MUC12: variants seen among roughly 807,000 people sequenced by gnomAD.
The protein encoded by MUC12 is mucin-12.
MUC12 carries 172 observed loss-of-function variants against 230.8 expected under a neutral mutation model. The observed-to-expected ratio is 0.75, with a 90% CI of 0.66 to 0.85. MUC12 has a LOEUF of 0.85. Ranked by LOEUF, MUC12 falls within the 40% of genes least tolerant of loss-of-function variation. The probability of loss-of-function intolerance (pLI) is 0.00; values close to 1 mark genes in which losing one functional copy is unlikely to be tolerated. For synonymous variants in MUC12, 1,259 were observed against 2,401.9 expected (o/e 0.52, Z 13.91); for missense variants, 3,506 against 5,920.6 (o/e 0.59, Z 13.38).
At position 101,005,183 on chromosome 7, in the gene MUC12, C is replaced by G; in HGVS notation, c.14620C>G (p.His4874Asp). The G allele has an allele frequency of 6.5e-7, 1 of 1,537,926 alleles. No homozygotes were observed. The highest frequency in any genetic ancestry group is 8.7e-7 in the Non-Finnish European group (1 of 1,147,062). ...TTCTCACAGCAACACAATGTCCATTCATAGTCAACAATCTACACCCTTCCC... is the reference window on the plus strand; with the variant it reads ...TTCTCACAGCAACACAATGTCCATTGATAGTCAACAATCTACACCCTTCCC... ...AFSHSNTMSI[H>D]SQQSTPFPDS... Residue 4874 changes from histidine (H) to aspartate (D), a missense_variant, in exon 2 of 12, where the codon CAT (histidine) becomes GAT (aspartate). By Grantham distance (81) the His-to-Asp change is moderately conservative. Transcript: ENST00000536621.
At chr7:100,981,711 A>G (rs530860258) in intron 1 of MUC12, among the ~76,000 whole-genome samples, 1 of 152,246 alleles carries the variant, frequency 6.6e-6, no homozygotes, top group Non-Finnish European at 1.5e-5. Context: ...AAGGCAAAAG[A>G]GAGCAGGTAT....
Position 100,991,903 on chromosome 7 carries a change from T to A in MUC12, c.1340T>A (p.Met447Lys), listed in dbSNP as rs1283820683. The A allele has an allele frequency of 3.9e-6, 6 of 1,537,488 alleles. No individual in the cohort carries two copies. In the South Asian group the frequency reaches 5.9e-5, roughly 15 times the overall value. Residue 447 changes from methionine (M) to lysine (K), a missense_variant, in exon 2 of 12, where the codon ATG becomes AAG. Transcript: ENST00000536621. ...SKASHSSPDA[M>K]ATTVLPAGST... The stretch of plus-strand genomic sequence containing the variant: ...GCATCCCACAGCAGCCCAGATGCAA[T>A]GGCAACAACAGTCTTACCTGCCGGC...
chr7:100,975,914 T>G (rs1364762273), intron 1 of MUC12, among the ~76,000 whole-genome samples: 3 of 152,308 alleles, frequency 2.0e-5, no homozygotes, highest in African/African-American at 7.2e-5. Flanking sequence ...CATAACTATT[T>G]GGGGTGTGGA....
At chr7:100,972,264 A>C (rs1792919890) in intron 1 of MUC12, 3 of 700,652 alleles carry the variant, frequency 4.3e-6, no homozygotes, top group South Asian at 1.5e-5. Context: ...CACAGCAAAT[A>C]ATGAACACGG....
chr7:100,978,080 G>A (rs755905277), intron 1 of MUC12, among the ~76,000 whole-genome samples: 3 of 152,274 alleles, frequency 2.0e-5, no homozygotes, highest in South Asian at 2.1e-4. Context: ...AAAGAAGGTC[G>A]CGTTCCCAGG....
intron 6 of MUC12, 75 bp from the exon 7 acceptor site, chr7:101,012,744 G>T: frequency 1.4e-6 from 2 of 1,470,646 alleles, no homozygotes; most frequent in South Asian, 2.4e-5. Context: ...GTATAGAAGA[G>T]AGAGGCCTGG....
intron 1 of MUC12, among the ~76,000 whole-genome samples, chr7:100,987,779 C>A (rs1229079200): frequency 6.6e-6 from 1 of 151,890 alleles, no homozygotes; most frequent in Non-Finnish European, 1.5e-5. Context: ...TTGAGACCAG[C>A]CTGACCAACA....
intron 6 of MUC12, 113 bp from the exon 7 acceptor site, chr7:101,012,706 C>T (rs1459830538): frequency 8.1e-7 from 1 of 1,240,058 alleles, no homozygotes; most frequent in Non-Finnish European, 1.1e-6. Flanking sequence ...CAAAGACTCC[C>T]ACGGGCATTG....
chr7:100,991,080 G>A lies in MUC12; in HGVS notation c.517G>A (p.Gly173Ser), dbSNP rs1793282859. ...ATCAACCACCTCCCACAGCCGACCA[G>A]GCCCAACGCACACAATAGCGTTCCC... ...EKSTTSHSRPGPTHTIAFPDS... is the reference protein window; with the variant it reads ...EKSTTSHSRPSPTHTIAFPDS... Residue 173 changes from glycine to serine, a missense_variant, in exon 2 of 12, where the codon GGC (glycine) becomes AGC (serine). Physicochemically the swap from Gly to Ser is moderately conservative, Grantham distance 56 (BLOSUM62 0). Transcript: ENST00000536621. The A allele has an allele frequency of 2.6e-6, 4 of 1,537,462 alleles. No individual in the cohort carries two copies. Among genetic ancestry groups the A allele is most frequent in the Admixed American group, 2.0e-5 (1 of 50,954 alleles).
At chr7:100,986,029 G>A (rs541802014) in intron 1 of MUC12, among the ~76,000 whole-genome samples, 2 of 152,064 alleles carry the variant, frequency 1.3e-5, no homozygotes, top group African/African-American at 2.4e-5. Flanking sequence ...GCTCATAAAC[G>A]AGAGGATTGG....
At position 100,991,077 on chromosome 7, in the gene MUC12, C is replaced by A; in HGVS notation, c.514C>A (p.Pro172Thr). ...AAAATCAACCACCTCCCACAGCCGACCAGGCCCAACGCACACAATAGCGTT... is the reference window on the plus strand; with the variant it reads ...AAAATCAACCACCTCCCACAGCCGAACAGGCCCAACGCACACAATAGCGTT... ...SEKSTTSHSR[P>T]GPTHTIAFPD... Residue 172 changes from proline (P) to threonine (T), a missense_variant, in exon 2 of 12, where the codon CCA becomes ACA. Pro to Thr is a conservative substitution (Grantham distance 38). Transcript: ENST00000536621. The A allele has an allele frequency of 2.6e-6, 4 of 1,537,614 alleles. No homozygotes were observed. Among genetic ancestry groups the A allele is most frequent in the Non-Finnish European group, 3.5e-6 (4 of 1,146,882 alleles).
At chr7:101,015,517 G>T in intron 9 of MUC12, 98 bp from the exon 10 acceptor site, 4 of 984,804 alleles carry the variant, frequency 4.1e-6, no homozygotes, top group Non-Finnish European at 6.1e-6. Flanking sequence ...TCGGGGTGTG[G>T]CTGTGACTGT....
chr7:100,972,999 T>C, intron 1 of MUC12: 1 of 703,128 alleles, frequency 1.4e-6, no homozygotes, highest in Non-Finnish European at 2.6e-6. Context: ...AGGGGGCATC[T>C]GCTGGATGGA....
intron 1 of MUC12, among the ~76,000 whole-genome samples, chr7:100,985,499 G>T (rs1378813863): frequency 6.6e-6 from 1 of 152,168 alleles, no homozygotes; most frequent in Non-Finnish European, 1.5e-5. Context: ...TAGTCCCCAG[G>T]CAAGAAGAAA....
Position 100,995,431 on chromosome 7 carries a change from C to G in MUC12, c.4868C>G (p.Thr1623Ser), listed in dbSNP as rs769030232. 24 of 1,533,924 alleles carry G rather than the reference C, an allele frequency of 1.6e-5. No homozygotes were observed. The highest frequency in any genetic ancestry group is 2.1e-5 in the Non-Finnish European group (24 of 1,145,502). The change falls in exon 2 of 12, where the codon ACC (threonine) becomes AGC (serine). Residue 1623 changes from threonine to serine, a missense_variant. Physicochemically the swap from Thr to Ser is moderately conservative, Grantham distance 58. Coordinates refer to ENST00000536621, the MANE Select transcript of MUC12 (RefSeq NM_001164462.2). ...STDTTLSPGS[T>S]TASSLGPEST... Reference sequence around the variant, plus strand: ...GACACAACATTGTCCCCTGGCAGTACCACAGCATCATCCCTTGGTCCAGAA... The same window carrying G: ...GACACAACATTGTCCCCTGGCAGTAGCACAGCATCATCCCTTGGTCCAGAA...
chr7:100,991,470 A>G lies in MUC12; in HGVS notation c.907A>G (p.Thr303Ala). 2.0e-6 allele frequency: 3 copies of G among 1,537,710 alleles called. No homozygotes were observed. The highest frequency in any genetic ancestry group is 2.6e-6 in the Non-Finnish European group (3 of 1,147,024). The change falls in exon 2 of 12, where the codon ACA becomes GCA. Residue 303 changes from threonine to alanine, a missense_variant. Physicochemically the swap from Thr to Ala is moderately conservative, Grantham distance 58. Transcript: ENST00000536621. ...CACATCAGCCTTTGTTAAACTATCTACAACTTATCACAGCAGCCCGAGCTC... is the reference window on the plus strand; with the variant it reads ...CACATCAGCCTTTGTTAAACTATCTGCAACTTATCACAGCAGCCCGAGCTC... The part of the protein sequence containing the change: ...GTTSAFVKLS[T>A]TYHSSPSSTP...
intron 1 of MUC12, among the ~76,000 whole-genome samples, chr7:100,986,336 T>C (rs1020339073): frequency 2.6e-5 from 4 of 151,468 alleles, no homozygotes; most frequent in African/African-American, 7.3e-5. Context: ...AGGATGGTGA[T>C]ATAGTTTGAA....
At chr7:100,982,932 G>C (rs1383754965) in intron 1 of MUC12, among the ~76,000 whole-genome samples, 2 of 150,814 alleles carry the variant, frequency 1.3e-5, no homozygotes, top group African/African-American at 4.9e-5. Context: ...ACAGGATCTT[G>C]ATATGTTGCC....
At chr7:101,012,761 C>T (rs1793856444) in intron 6 of MUC12, 58 bp from the exon 7 acceptor site, 14 of 1,514,330 alleles carry the variant, frequency 9.2e-6, no homozygotes, top group Non-Finnish European at 8.9e-6. Context: ...CTGGCTACCC[C>T]CAGGGAGGCA....
Sources: allele counts gnomAD v4.1 joint callset (sites outside exome capture counted in the v4.1 genomes callset), GRCh38; gene constraint gnomAD v4.1.1; transcripts MANE v1.5; gene names NCBI Gene and HGNC (gene_info 2026-07-23, HGNC 2026-07-21).